The following BCL7C variants were observed in gnomAD, a reference collection of about 807,000 sequenced individuals.
The protein encoded by BCL7C is BAF chromatin remodeling complex subunit BCL7C.
A neutral mutation model predicts 26.2 loss-of-function variants in BCL7C; 8 were observed. That is an observed-to-expected ratio of 0.30 (90% CI 0.18 to 0.55). The LOEUF (loss-of-function observed/expected upper bound fraction) is 0.55, where lower values mean the gene tolerates loss of function less well. Among genes scored for constraint, BCL7C ranks in the 20% least tolerant of loss-of-function variants. BCL7C has a pLI of 0.93. For missense variants in BCL7C, 262 were observed against 298.5 expected, an observed-to-expected ratio of 0.88 and a Z score of 0.90; for synonymous variants, 90 against 116.5, an observed-to-expected ratio of 0.77 and a Z score of 1.47.
chr16:30,892,530 ACT>A, intron 4 of BCL7C, 54 bp downstream of exon 4: 4 of 1,505,506 alleles, frequency 2.7e-6, no homozygotes, highest in Non-Finnish European at 3.5e-6. Context: ...GGTAGGTTAG[ACT>A]CTGGAGAAGA....
At chr16:30,840,183 G>A (rs1470398614) in intron 5 of BCL7C, among the ~76,000 whole-genome samples, 1 of 150,770 alleles carries the variant, frequency 6.6e-6, no homozygotes, top group African/African-American at 2.4e-5. Context: ...TAAGAACTTA[G>A]GTTCTGTTCT....
chr16:30,836,050 C>T (rs932295267), intron 5 of BCL7C, among the ~76,000 whole-genome samples: 4 of 149,050 alleles, frequency 2.7e-5, no homozygotes, highest in South Asian at 2.1e-4. Flanking sequence ...GTCAGGGGTT[C>T]GAGACCAGCC....
At position 30,893,827 on chromosome 16, in the gene BCL7C, G is replaced by A. The variant is rs1168196419; in HGVS notation, c.92+26C>T. On this transcript the variant is annotated intron_variant, in intron 1 of 5. Coordinates refer to ENST00000215115, the MANE Select transcript of BCL7C (RefSeq NM_004765.4). This position sits in a 1 kb window ranked among gnomAD's most constrained non-coding sequence, Gnocchi z 5.2. ...GGTGCTGGTGGTCCCGCTGTGTCCC[G>A]TCCCTGGCCCCCGAGCAGCGCTCAC... 11 of 1,593,760 alleles carry A rather than the reference G, an allele frequency of 6.9e-6. No homozygotes were observed. Among genetic ancestry groups the A allele is most frequent in the African/African-American group, 1.3e-5 (1 of 74,686 alleles).
intron 5 of BCL7C, chr16:30,835,178 T>C: frequency 6.9e-7 from 1 of 1,441,422 alleles, no homozygotes; most frequent in South Asian, 1.4e-5. Context: ...ATCTGGGTAG[T>C]GTTTCCTCTT....
chr16:30,851,132 G>T (rs2054671539), intron 5 of BCL7C: 2 of 259,992 alleles, frequency 7.7e-6, no homozygotes, highest in South Asian at 4.4e-5. Context: ...GCATCCTACT[G>T]GTTCGTTTTC....
At chr16:30,885,683 C>T (rs1426512782), downstream of BCL7C, among the ~76,000 whole-genome samples, 2 of 152,144 alleles carry the variant, frequency 1.3e-5, no homozygotes, top group Non-Finnish European at 2.9e-5. Context: ...GGATTATAGG[C>T]ATGAGCCACT....
chr16:30,867,762 C>T lies in BCL7C; in HGVS notation c.528+21098G>A, dbSNP rs973143490. On this transcript the variant is annotated intron_variant, in intron 5 of 5. Coordinates refer to the BCL7C transcript ENST00000380317. ...GAGCCAAGATCGCGCCACTGCACTCCGGCCTGGGCAACAGAGCAAGACTCC... is the reference window on the plus strand; with the variant it reads ...GAGCCAAGATCGCGCCACTGCACTCTGGCCTGGGCAACAGAGCAAGACTCC... 7.9e-5 allele frequency among the ~76,000 whole-genome samples: 12 copies of T among 152,032 alleles called. No individual in the cohort carries two copies. The South Asian group carries it at 1.9e-3, about 24-fold the overall frequency.
intron 5 of BCL7C, among the ~76,000 whole-genome samples, chr16:30,860,893 C>T (rs1165471404): frequency 6.6e-6 from 1 of 152,106 alleles, no homozygotes; most frequent in Non-Finnish European, 1.5e-5. Context: ...CCCAATTCTC[C>T]CTCAGCCTCC....
rs140570412 is a variant in BCL7C, at chr16:30,892,928, G to A, written c.192C>T (p.Gly64=). ...CCCGGCCACGGGATCTCTCTGCCCCGCCACCTGCCCGCCTTCGCTCCTGGG... is the reference window on the plus strand; with the variant it reads ...CCCGGCCACGGGATCTCTCTGCCCCACCACCTGCCCGCCTTCGCTCCTGGG... ...PQEEERRRAG[G]GAERSRGRER... The change falls in exon 3 of 6, where the codon GGC becomes GGT. Residue 64 remains glycine, a synonymous_variant. Coordinates refer to ENST00000215115, the MANE Select transcript of BCL7C (RefSeq NM_004765.4). The A allele has an allele frequency of 8.6e-5, 139 of 1,612,550 alleles. No homozygotes were observed. Among genetic ancestry groups the A allele is most frequent in the Non-Finnish European group, 1.2e-4 (137 of 1,179,808 alleles).
chr16:30,860,539 T>C (rs1306989884), intron 5 of BCL7C, among the ~76,000 whole-genome samples: 2 of 152,170 alleles, frequency 1.3e-5, no homozygotes, highest in African/African-American at 4.8e-5. Context: ...CTAAACACCT[T>C]ATTTTCTTCT....
intron 5 of BCL7C, among the ~76,000 whole-genome samples, chr16:30,866,554 C>G (rs889736912): frequency 2.9e-5 from 4 of 136,578 alleles, no homozygotes; most frequent in Admixed American, 1.6e-4. Flanking sequence ...TCCAGCCTGG[C>G]CAAAATAGCG....
intron 4 of BCL7C, 128 bp from the exon 5 acceptor site, chr16:30,889,073 G>C: frequency 2.3e-6 from 2 of 871,370 alleles, no homozygotes; most frequent in Admixed American, 4.3e-5. Flanking sequence ...AGAGAGGAGA[G>C]AGCAGGAACC....
chr16:30,866,890 C>T (rs2054834509), intron 5 of BCL7C, among the ~76,000 whole-genome samples: 1 of 152,016 alleles, frequency 6.6e-6, no homozygotes, highest in South Asian at 2.1e-4. Flanking sequence ...ATCTTCTCTA[C>T]AAAAAGTTTA....
chr16:30,892,818 G>C, intron 3 of BCL7C, 22 bp downstream of exon 3: 2 of 1,613,522 alleles, frequency 1.2e-6, no homozygotes, highest in Non-Finnish European at 1.7e-6. Flanking sequence ...ACAGCCCCCC[G>C]CGTTTCAGGA....
rs923198370 is a variant in BCL7C, at chr16:30,892,472, C to T, written c.442+114G>A. Reference sequence around the variant, plus strand: ...GGGAGATTCTGCAGGAGTCGGAAGGCGCCTTGAGGAGGGTGCACAAGACGG... The same window carrying T: ...GGGAGATTCTGCAGGAGTCGGAAGGTGCCTTGAGGAGGGTGCACAAGACGG... On this transcript the variant is annotated intron_variant, in intron 4 of 5. Transcript: ENST00000215115. 41 of 1,044,502 alleles carry T rather than the reference C, an allele frequency of 3.9e-5. 1 individual carries two copies. Among genetic ancestry groups the T allele is most frequent in the South Asian group, 2.0e-4 (12 of 59,764 alleles). 64.7% of individuals were successfully genotyped at this position (1,044,502 alleles called of 1,614,324 possible). A position where few individuals can be genotyped will look rare whatever the true frequency, so the allele number is the denominator to read the frequency against.
chr16:30,851,051 TAA>T (rs201939103), intron 5 of BCL7C, among the ~76,000 whole-genome samples: 1,544 of 152,220 alleles, frequency 0.01, 33 homozygotes, highest in African/African-American at 0.035. Context: ...CAATAAGAAA[TAA>T]GTTTGTTTAT....
At chr16:30,867,747 C>T (rs957762841) in intron 5 of BCL7C, among the ~76,000 whole-genome samples, 13 of 151,968 alleles carry the variant, frequency 8.6e-5, no homozygotes, top group South Asian at 2.1e-4. Context: ...GAGCCAAGAT[C>T]GCGCCACTGC....
exon 6 of BCL7C, chr16:30,833,922 T>C (rs1169422168): frequency 2.6e-5 from 4 of 152,244 alleles, no homozygotes; most frequent in Non-Finnish European, 4.4e-5. Flanking sequence ...TTGCTGACTT[T>C]GGGCAGGTTC....
chr16:30,834,904 G>A lies in BCL7C; in HGVS notation c.*44C>T. On this transcript the variant is annotated 3_prime_UTR_variant, in exon 6 of 6. Transcript: ENST00000380317. The surrounding 1 kb of genome is among the most constrained non-coding windows in gnomAD (Gnocchi z 4.3). ...CAGGTAGTGGCTGGATCTTGGGGCA[G>A]CCAAGGGAGGCTTTAGGGGTCTTGG... 1.4e-6 allele frequency: 2 copies of A among 1,457,496 alleles called. No individual in the cohort carries two copies. The highest frequency in any genetic ancestry group is 2.8e-5 in the African/African-American group (2 of 70,198). The allele number at this position is 1,457,496 out of a possible 1,614,324, so 90.3% of individuals were successfully genotyped here. A position where few individuals can be genotyped will look rare whatever the true frequency, so the allele number is the denominator to read the frequency against.
Sources: allele counts gnomAD v4.1 joint callset (sites outside exome capture counted in the v4.1 genomes callset), GRCh38; gene constraint gnomAD v4.1.1; non-coding constraint Gnocchi (gnomAD v3.1); transcripts MANE v1.5; gene names NCBI Gene and HGNC (gene_info 2026-07-23, HGNC 2026-07-21).